C12orf42: variants seen among roughly 807,000 people sequenced by gnomAD.
C12orf42 encodes uncharacterized protein C12orf42.
In C12orf42, 25 loss-of-function variants were observed where a neutral mutation model predicts 21.6. The ratio of observed to expected loss-of-function variants is 1.16; its 90% CI spans 0.84 to 1.62. The LOEUF is 1.62. Ranked by LOEUF, C12orf42 falls within the 40% of genes most tolerant of loss-of-function variation. The pLI is 0.00. For synonymous variants in C12orf42, 174 were observed against 175.0 expected (o/e 0.99, Z 0.05); for missense variants, 483 against 459.3 (o/e 1.05, Z -0.47).
the C12orf42 span, among the ~76,000 whole-genome samples, chr12:103,218,979 C>T: frequency 8.5e-4 from 130 of 152,288 alleles, no homozygotes; most frequent in African/African-American, 3.0e-3. Context: ...AAGCACAAAA[C>T]TGGGTGGCTG....
intron 1 of C12orf42, among the ~76,000 whole-genome samples, chr12:103,494,407 C>T (rs1290185630): frequency 6.6e-6 from 1 of 152,202 alleles, no homozygotes; most frequent in Non-Finnish European, 1.5e-5. Flanking sequence ...AGCTCTGTGA[C>T]CCTGTATTGT....
At chr12:103,061,703 G>T in the C12orf42 span, among the ~76,000 whole-genome samples, 1 of 151,214 alleles carries the variant, frequency 6.6e-6, no homozygotes, top group Non-Finnish European at 1.5e-5. Flanking sequence ...GCTTTCTTTG[G>T]TTAGTGTTTA....
chr12:103,444,608 G>A (rs933621076), intron 2 of C12orf42, among the ~76,000 whole-genome samples: 1 of 151,956 alleles, frequency 6.6e-6, no homozygotes, highest in East Asian at 1.9e-4. Flanking sequence ...ATCTTCTGTG[G>A]CCATACTCAT....
At chr12:103,348,620 G>A (rs563335374) in intron 4 of C12orf42, among the ~76,000 whole-genome samples, 1 of 152,246 alleles carries the variant, frequency 6.6e-6, no homozygotes, top group South Asian at 2.1e-4. Flanking sequence ...TTGTCTTGAA[G>A]GCTCAGAAAA....
At chr12:103,497,215 A>T (rs538220502), upstream of C12orf42, among the ~76,000 whole-genome samples, 3 of 152,214 alleles carry the variant, frequency 2.0e-5, no homozygotes, top group South Asian at 6.2e-4. Context: ...CATGGCTTTG[A>T]CATAATAGAT....
intron 3 of C12orf42, among the ~76,000 whole-genome samples, chr12:103,394,640 C>A (rs1593790904): frequency 6.6e-6 from 1 of 152,152 alleles, no homozygotes; most frequent in African/African-American, 2.4e-5. Context: ...CAAATACTAA[C>A]GATTGTTTCC....
chr12:103,447,496 C>T (rs1364202429), intron 2 of C12orf42, among the ~76,000 whole-genome samples: 3 of 151,962 alleles, frequency 2.0e-5, no homozygotes, highest in Non-Finnish European at 4.4e-5. Context: ...AAAAGGAAGT[C>T]AAACTGTCAC....
chr12:103,487,305 C>T (rs2138143753), intron 1 of C12orf42, among the ~76,000 whole-genome samples: 1 of 152,324 alleles, frequency 6.6e-6, no homozygotes, highest in African/African-American at 2.4e-5. Flanking sequence ...TTTGATTGCA[C>T]TGTGGTCTCA....
chr12:103,510,914 T>C, the C12orf42 span, among the ~76,000 whole-genome samples: 2 of 152,208 alleles, frequency 1.3e-5, no homozygotes, highest in Non-Finnish European at 2.9e-5. Context: ...CATCATCTAC[T>C]AAGAGACTGC....
the C12orf42 span, among the ~76,000 whole-genome samples, chr12:103,148,587 T>C: frequency 6.6e-6 from 1 of 152,146 alleles, no homozygotes; most frequent in African/African-American, 2.4e-5. Flanking sequence ...TCCTAACTAA[T>C]GGATTTGCTA....
At chr12:103,191,696 T>C in the C12orf42 span, among the ~76,000 whole-genome samples, 1 of 148,218 alleles carries the variant, frequency 6.7e-6, no homozygotes, top group Non-Finnish European at 1.5e-5. Context: ...TGAGCTGAGA[T>C]TGCACCACTG....
the C12orf42 span, among the ~76,000 whole-genome samples, chr12:103,201,978 A>C: frequency 6.6e-6 from 1 of 152,244 alleles, no homozygotes; most frequent in Non-Finnish European, 1.5e-5. Flanking sequence ...ACATTACCAC[A>C]TTTATTTAAG....
chr12:103,270,869 G>C (rs2136260476), intron 5 of C12orf42, among the ~76,000 whole-genome samples: 1 of 150,720 alleles, frequency 6.6e-6, no homozygotes, highest in African/African-American at 2.4e-5. Context: ...GTTGTAATCT[G>C]TTCTCTCTTT....
intron 4 of C12orf42, among the ~76,000 whole-genome samples, chr12:103,366,568 G>A (rs2044621081): frequency 6.6e-6 from 1 of 152,038 alleles, no homozygotes; most frequent in South Asian, 2.1e-4. Flanking sequence ...CTATACATCT[G>A]AGAAAGGACT....
intron 4 of C12orf42, among the ~76,000 whole-genome samples, chr12:103,345,414 G>A (rs1294786496): frequency 6.6e-6 from 1 of 152,124 alleles, no homozygotes; most frequent in Non-Finnish European, 1.5e-5. Flanking sequence ...TATTATTGTT[G>A]TTGATGATGA....
chr12:103,175,657 G>C, the C12orf42 span, among the ~76,000 whole-genome samples: 1 of 152,118 alleles, frequency 6.6e-6, no homozygotes, highest in African/African-American at 2.4e-5. Context: ...TCTCCAGATG[G>C]ATTACGAAAA....
At chr12:103,255,050 C>T (rs948062680) in intron 10 of C12orf42, among the ~76,000 whole-genome samples, 3 of 152,078 alleles carry the variant, frequency 2.0e-5, no homozygotes, top group African/African-American at 7.2e-5. Flanking sequence ...TATTGTCAAG[C>T]TTTCTGTTCT....
chr12:103,306,348 G>A lies in C12orf42; in HGVS notation c.260-3C>T, dbSNP rs375698276. 7 of 1,595,290 alleles carry A rather than the reference G, an allele frequency of 4.4e-6. No homozygotes were observed. In the African/African-American group the frequency reaches 8.1e-5, roughly 18 times the overall value. On this transcript the variant is annotated splice_polypyrimidine_tract_variant and splice_region_variant and intron_variant, in intron 4 of 5. Coordinates refer to ENST00000548883, the MANE Select transcript of C12orf42 (RefSeq NM_198521.5). ...ATTTTGAGTCCTTTCTGGAAATACTGTGAAAGGTAAATACATTCGTTTGAA... is the reference window on the plus strand; with the variant it reads ...ATTTTGAGTCCTTTCTGGAAATACTATGAAAGGTAAATACATTCGTTTGAA...
Position 103,254,510 on chromosome 12 carries a change from C to T in C12orf42, c.*1366+8816G>A, listed in dbSNP as rs138616510. ...AAACAGCATAGTGCTGGTACAAAAACAGACACATAGACCAGTGAAACAGAA... is the reference window on the plus strand; with the variant it reads ...AAACAGCATAGTGCTGGTACAAAAATAGACACATAGACCAGTGAAACAGAA... On this transcript the variant is annotated intron_variant and NMD_transcript_variant, in intron 10 of 10. Transcript: ENST00000547347. 5.8e-3 allele frequency among the ~76,000 whole-genome samples: 885 copies of T among 152,256 alleles called. 9 individuals carry two copies. The highest frequency in any genetic ancestry group is 0.02 in the African/African-American group (848 of 41,534).
Sources: gnomAD v4.1 joint callset for allele counts (sites outside exome capture counted in the v4.1 genomes callset) on GRCh38, gnomAD v4.1.1 for gene constraint, MANE v1.5 for transcripts, NCBI Gene and HGNC (gene_info 2026-07-23, HGNC 2026-07-21) for gene names.